The following KCNQ5 variants were observed in gnomAD, a reference collection of about 807,000 sequenced individuals.
KCNQ5 encodes potassium voltage-gated channel subfamily KQT member 5.
A neutral mutation model predicts 98.2 loss-of-function variants in KCNQ5; 30 were observed. That is an observed-to-expected ratio of 0.31 (90% CI 0.23 to 0.41). The LOEUF (loss-of-function observed/expected upper bound fraction) is 0.41, where lower values mean the gene tolerates loss of function less well. Among genes scored for constraint, KCNQ5 ranks in the 10% least tolerant of loss-of-function variants. KCNQ5 has a pLI of 1.00. For synonymous variants in KCNQ5, 458 were observed against 449.4 expected (o/e 1.02, Z -0.24); for missense variants, 835 against 1,182.5 (o/e 0.71, Z 4.31).
intron 1 of KCNQ5, among the ~76,000 whole-genome samples, chr6:72,851,911 A>G (rs1777275351): frequency 1.3e-5 from 2 of 152,156 alleles, no homozygotes; most frequent in African/African-American, 2.4e-5. Flanking sequence ...ATTGATATCA[A>G]TAAATTTCAC....
intron 1 of KCNQ5, among the ~76,000 whole-genome samples, chr6:72,813,438 T>C (rs909433758): frequency 6.6e-6 from 1 of 152,234 alleles, no homozygotes; most frequent in Non-Finnish European, 1.5e-5. Flanking sequence ...AAGCTTTCCA[T>C]CAGTTTGTTA....
intron 5 of KCNQ5, among the ~76,000 whole-genome samples, chr6:73,087,010 G>A (rs1774013635): frequency 6.6e-6 from 1 of 152,202 alleles, no homozygotes; most frequent in African/African-American, 2.4e-5. Flanking sequence ...GTGAGCAAGG[G>A]TAAAATCAAA....
intron 1 of KCNQ5, among the ~76,000 whole-genome samples, chr6:72,939,340 A>T (rs574091756): frequency 6.6e-6 from 1 of 152,290 alleles, no homozygotes; most frequent in East Asian, 1.9e-4. Context: ...ACTCGGAGTA[A>T]GTCTGCAATT....
At chr6:72,867,967 CTACTAATAATAA>C (rs940898306) in intron 1 of KCNQ5, among the ~76,000 whole-genome samples, 1 of 149,912 alleles carries the variant, frequency 6.7e-6, no homozygotes, top group African/African-American at 2.5e-5. Context: ...ACTACTACTA[CTACTAATAATAA>C]TAATAATAAT....
At chr6:73,179,668 T>C (rs1241697023) in intron 11 of KCNQ5, among the ~76,000 whole-genome samples, 2 of 151,298 alleles carry the variant, frequency 1.3e-5, no homozygotes, top group Non-Finnish European at 2.9e-5. Context: ...AGATCTGCAA[T>C]CACAAGGGGG....
chr6:73,129,651 G>GTAC, intron 9 of KCNQ5: 1 of 642,014 alleles, frequency 1.6e-6, no homozygotes, highest in Non-Finnish European at 2.6e-6. Flanking sequence ...AAACAACATA[G>GTAC]TACTCTCTGC....
intron 1 of KCNQ5, among the ~76,000 whole-genome samples, chr6:72,960,421 TG>T (rs1311723484): frequency 1.3e-5 from 2 of 152,110 alleles, no homozygotes; most frequent in African/African-American, 2.4e-5. Context: ...TTGTTGTTGT[TG>T]TTGTTTTGTT....
intron 1 of KCNQ5, among the ~76,000 whole-genome samples, chr6:72,961,517 G>T (rs545953722): frequency 6.6e-6 from 1 of 151,968 alleles, no homozygotes; most frequent in East Asian, 2.0e-4. Context: ...AGCTACTCTG[G>T]AGGCTGAGGC....
chr6:73,160,913 G>T (rs6928332), intron 10 of KCNQ5, among the ~76,000 whole-genome samples: 15,502 of 152,064 alleles, frequency 0.1, 2,090 homozygotes, highest in African/African-American at 0.3. Flanking sequence ...ATTTTAATGT[G>T]CAGCCAAGGT....
intron 1 of KCNQ5, among the ~76,000 whole-genome samples, chr6:72,726,909 A>G (rs1770312817): frequency 6.6e-6 from 1 of 152,168 alleles, no homozygotes; most frequent in African/African-American, 2.4e-5. Flanking sequence ...TGGCGTGATC[A>G]AAGCTCACTG....
At chr6:72,982,486 G>GTTT (rs1768513132) in intron 1 of KCNQ5, among the ~76,000 whole-genome samples, 2 of 84,584 alleles carry the variant, frequency 2.4e-5, no homozygotes, top group African/African-American at 1.2e-4. Flanking sequence ...TGCAACCCCT[G>GTTT]CTTTTTTTTT....
chr6:72,871,996 G>C (rs1480263495), intron 1 of KCNQ5, among the ~76,000 whole-genome samples: 1 of 152,122 alleles, frequency 6.6e-6, no homozygotes, highest in Non-Finnish European at 1.5e-5. Flanking sequence ...CAAAAACAAA[G>C]AAAGAAAGAG....
At position 73,154,783 on chromosome 6, in the gene KCNQ5, G is replaced by A. The variant is rs540286573; in HGVS notation, c.1469-14963G>A. ...CTTAAATATTTTCATGGGCTAATAGGGGAAGATTCTATTTAAAATGTTTAT... is the reference window on the plus strand; with the variant it reads ...CTTAAATATTTTCATGGGCTAATAGAGGAAGATTCTATTTAAAATGTTTAT... On this transcript the variant is annotated intron_variant, in intron 10 of 13. Transcript: ENST00000370398. 4.1e-4 allele frequency among the ~76,000 whole-genome samples: 62 copies of A among 152,130 alleles called. No homozygotes were observed. The South Asian group carries it at 4.6e-3, about 11-fold the overall frequency.
intron 1 of KCNQ5, among the ~76,000 whole-genome samples, chr6:72,841,592 T>C (rs1776794109): frequency 6.6e-6 from 1 of 152,186 alleles, no homozygotes; most frequent in Non-Finnish European, 1.5e-5. Flanking sequence ...TTAAAGAGTA[T>C]AGTGCCATAT....
chr6:72,899,468 A>G (rs986685189), intron 1 of KCNQ5, among the ~76,000 whole-genome samples: 1 of 152,210 alleles, frequency 6.6e-6, no homozygotes, highest in African/African-American at 2.4e-5. Context: ...TTTGAGGTGC[A>G]TGATACATAT....
intron 1 of KCNQ5, among the ~76,000 whole-genome samples, chr6:72,870,339 ATCT>A (rs1778151868): frequency 2.0e-5 from 3 of 152,102 alleles, no homozygotes; most frequent in African/African-American, 7.2e-5. Context: ...CAGTGGCATG[ATCT>A]GCAGCTCACT....
chr6:72,988,201 G>C (rs1469448572), intron 1 of KCNQ5, among the ~76,000 whole-genome samples: 2 of 152,174 alleles, frequency 1.3e-5, no homozygotes, highest in Non-Finnish European at 2.9e-5. Flanking sequence ...TTTCCTTAAT[G>C]TATTTAATCT....
intron 1 of KCNQ5, among the ~76,000 whole-genome samples, chr6:72,845,569 A>T (rs1776985812): frequency 6.6e-6 from 1 of 152,200 alleles, no homozygotes; most frequent in Non-Finnish European, 1.5e-5. Flanking sequence ...AGTTGCATTC[A>T]TGGGAATGTT....
chr6:72,656,852 C>T (rs1766222055), intron 1 of KCNQ5, among the ~76,000 whole-genome samples: 1 of 152,078 alleles, frequency 6.6e-6, no homozygotes, highest in East Asian at 1.9e-4. Context: ...GACTCTGTCC[C>T]TAGGTGCTTC....
Sources: allele counts gnomAD v4.1 joint callset (sites outside exome capture counted in the v4.1 genomes callset), GRCh38; gene constraint gnomAD v4.1.1; transcripts MANE v1.5; gene names NCBI Gene and HGNC (gene_info 2026-07-23, HGNC 2026-07-21).